The following RAD50 variants were observed in gnomAD, a reference collection of about 807,000 sequenced individuals.
The protein encoded by RAD50 is RAD50 double strand break repair protein.
In RAD50, 132 loss-of-function variants were observed where a neutral mutation model predicts 168.8. The ratio of observed to expected loss-of-function variants is 0.78; its 90% CI spans 0.68 to 0.90. The LOEUF is 0.90. Ranked by LOEUF, RAD50 falls within the 40% of genes least tolerant of loss-of-function variation. RAD50 has a pLI of 0.00. For missense variants in RAD50, 1,347 were observed against 1,534.4 expected (o/e 0.88, Z 2.04); for synonymous variants, 525 against 497.4 (o/e 1.06, Z -0.74).
chr5:132,610,073 G>A (rs529063820), intron 19 of RAD50, among the ~76,000 whole-genome samples: 14 of 151,284 alleles, frequency 9.3e-5, no homozygotes, highest in South Asian at 2.1e-4. Context: ...GGATGGGGTC[G>A]TATCATGTTA....
At chr5:132,619,875 T>TATATATATATATAAAG (rs1561651762) in intron 21 of RAD50, among the ~76,000 whole-genome samples, 1 of 103,994 alleles carries the variant, frequency 9.6e-6, no homozygotes, top group African/African-American at 3.5e-5. Context: ...TATAAAGATA[T>TATATATATATATAAAG]ATATATATAT....
At chr5:132,568,589 A>G (rs954756364) in intron 2 of RAD50, among the ~76,000 whole-genome samples, 3 of 152,224 alleles carry the variant, frequency 2.0e-5, no homozygotes, top group Non-Finnish European at 2.9e-5. Flanking sequence ...AAACAGGTGG[A>G]GGAAAAAGTA....
At chr5:132,585,517 A>ACT in intron 5 of RAD50, among the ~76,000 whole-genome samples, 1 of 151,852 alleles carries the variant, frequency 6.6e-6, no homozygotes, top group East Asian at 1.9e-4. Context: ...TTCGTTAGTA[A>ACT]AATATAAAAG....
intron 2 of RAD50, among the ~76,000 whole-genome samples, chr5:132,562,447 GAACCAACAA>G (rs1264654466): frequency 6.6e-6 from 1 of 152,116 alleles, no homozygotes; most frequent in Non-Finnish European, 1.5e-5. Flanking sequence ...TTTGAAGATA[GAACCAACAA>G]ATTAGCTAAT....
intron 13 of RAD50, among the ~76,000 whole-genome samples, chr5:132,601,122 A>G (rs1322625027): frequency 1.3e-5 from 2 of 152,032 alleles, no homozygotes; most frequent in African/African-American, 2.4e-5. Flanking sequence ...TCAGCTTCCC[A>G]AGTAGCTGGG....
At chr5:132,596,272 AG>A (rs1321617113) in intron 13 of RAD50, among the ~76,000 whole-genome samples, 2 of 152,226 alleles carry the variant, frequency 1.3e-5, no homozygotes, top group Non-Finnish European at 2.9e-5. Flanking sequence ...CTGGGATCAC[AG>A]GTGTGAGCAC....
chr5:132,605,777 G>A (rs1033886018), intron 16 of RAD50, among the ~76,000 whole-genome samples: 1 of 152,096 alleles, frequency 6.6e-6, no homozygotes. Flanking sequence ...ATAACAAACA[G>A]TCTCTCAGAC....
chr5:132,595,336 G>A, intron 12 of RAD50: 2 of 518,576 alleles, frequency 3.9e-6, no homozygotes, highest in Middle Eastern at 5.0e-4. Flanking sequence ...AAAGCTCTCA[G>A]TAGGCATTTT....
intron 23 of RAD50, among the ~76,000 whole-genome samples, chr5:132,639,510 T>A (rs73787029): frequency 2.0e-5 from 3 of 152,210 alleles, no homozygotes; most frequent in Non-Finnish European, 4.4e-5. Context: ...CTACGTGCTT[T>A]GATGATTTTT....
chr5:132,615,724 T>C (rs1268585946), intron 19 of RAD50, among the ~76,000 whole-genome samples: 1 of 152,220 alleles, frequency 6.6e-6, no homozygotes, highest in Non-Finnish European at 1.5e-5. Context: ...TTTATGAGAC[T>C]CCCCATCAAA....
chr5:132,566,729 C>A (rs1032701830), intron 2 of RAD50, among the ~76,000 whole-genome samples: 5 of 152,214 alleles, frequency 3.3e-5, no homozygotes, highest in Non-Finnish European at 5.9e-5. Context: ...AATCCAAAAG[C>A]CTTACCAAGT....
At chr5:132,639,719 T>A (rs1751675530) in intron 23 of RAD50, among the ~76,000 whole-genome samples, 1 of 152,204 alleles carries the variant, frequency 6.6e-6, no homozygotes, top group Non-Finnish European at 1.5e-5. Flanking sequence ...TAACACTGGC[T>A]TTTGCTGAGG....
At chr5:132,565,422 A>G (rs1156432626) in intron 2 of RAD50, among the ~76,000 whole-genome samples, 1 of 152,028 alleles carries the variant, frequency 6.6e-6, no homozygotes, top group Non-Finnish European at 1.5e-5. Flanking sequence ...ATATGGGCTG[A>G]CTCCATCCCT....
intron 19 of RAD50, among the ~76,000 whole-genome samples, chr5:132,611,098 TAAAG>T (rs1400915033): frequency 2.0e-5 from 3 of 152,102 alleles, no homozygotes; most frequent in Non-Finnish European, 4.4e-5. Context: ...AGTAGTCAAA[TAAAG>T]AGAGGAGGCC....
intron 13 of RAD50, among the ~76,000 whole-genome samples, chr5:132,601,634 A>G (rs1467641552): frequency 3.9e-5 from 6 of 152,134 alleles, no homozygotes; most frequent in Non-Finnish European, 1.5e-5. Context: ...AATACCTCCT[A>G]TTTCTGTGGT....
At chr5:132,606,161 C>T (rs562855299) in intron 16 of RAD50, among the ~76,000 whole-genome samples, 107 of 151,956 alleles carry the variant, frequency 7.0e-4, no homozygotes, top group Non-Finnish European at 1.3e-3. Context: ...CACGAAAAAC[C>T]CTTCAAAAAA....
rs373407069 is a variant in RAD50, at chr5:132,638,198, G to A, written c.3593G>A (p.Arg1198Gln). The A allele has an allele frequency of 6.7e-5, 108 of 1,614,048 alleles. No individual in the cohort carries two copies. The highest frequency in any genetic ancestry group is 1.6e-4 in the Middle Eastern group (1 of 6,082). The stretch of plus-strand genomic sequence containing the variant: ...AAGGGAGACACAGCCTTGGATATGC[G>A]AGGACGATGCAGTGCTGGACAAAAG... ...MLKGDTALDM[R>Q]GRCSAGQKVL... Residue 1198 changes from arginine to glutamine, a missense_variant, in exon 23 of 25, where the codon CGA becomes CAA. Physicochemically the swap from Arg to Gln is conservative, Grantham distance 43 (BLOSUM62 1). Around this residue, in one of 3 missense-constraint regions of RAD50, gnomAD observed 635 missense variants for 739.2 expected, o/e 0.86. Transcript: ENST00000378823.
At chr5:132,577,505 A>T (rs987769298) in intron 3 of RAD50, among the ~76,000 whole-genome samples, 67 of 152,324 alleles carry the variant, frequency 4.4e-4, no homozygotes, top group African/African-American at 1.6e-3. Flanking sequence ...ATGCTAGTTT[A>T]TTACTTTTTA....
At chr5:132,626,983 C>T (rs773429705) in intron 21 of RAD50, among the ~76,000 whole-genome samples, 2 of 152,060 alleles carry the variant, frequency 1.3e-5, no homozygotes, top group Non-Finnish European at 1.5e-5. Flanking sequence ...TGGGTTCAAG[C>T]GATTCTCATG....
Sources: gnomAD v4.1 joint callset for allele counts (sites outside exome capture counted in the v4.1 genomes callset) on GRCh38, gnomAD v4.1.1 for gene constraint, gnomAD v4.1.1 regional missense constraint, MANE v1.5 for transcripts, NCBI Gene and HGNC (gene_info 2026-07-23, HGNC 2026-07-21) for gene names.